MAP6: variants seen among roughly 807,000 people sequenced by gnomAD.
MAP6 encodes the protein microtubule associated protein 6, also known as microtubule-associated protein 6.
In MAP6, 26 loss-of-function variants were observed where a neutral mutation model predicts 42.4. The ratio of observed to expected loss-of-function variants is 0.61; its 90% CI spans 0.45 to 0.85. The LOEUF (loss-of-function observed/expected upper bound fraction) is 0.85. Ranked by LOEUF, MAP6 falls within the 40% of genes least tolerant of loss-of-function variation. The pLI, the probability that MAP6 is intolerant of heterozygous loss-of-function variation, is 0.00. For synonymous variants in MAP6, 418 were observed against 443.8 expected, an observed-to-expected ratio of 0.94 and a Z score of 0.73; for missense variants, 966 against 1,099.0, an observed-to-expected ratio of 0.88 and a Z score of 1.71.
At position 75,587,253 on chromosome 11, in the gene MAP6, C is replaced by T. The variant is rs1942371435; in HGVS notation, c.2248G>A (p.Val750Ile). ...RIVPEPLKNQ[V>I]PIVPVPLKDQ... ...TTCAGAGGCACTGGGACTATAGGAACTTGATTCTTCAGAGGTTCAGGGACT... is the reference window on the plus strand; with the variant it reads ...TTCAGAGGCACTGGGACTATAGGAATTTGATTCTTCAGAGGTTCAGGGACT... The change falls in exon 4 of 4, where the codon GTT becomes ATT. Residue 750 changes from valine (V) to isoleucine (I), a missense_variant. By Grantham distance (29) the Val-to-Ile change is conservative (BLOSUM62 3). Around this residue, in one of 2 missense-constraint regions of MAP6, gnomAD observed 943 missense variants for 1,049.9 expected, o/e 0.90. Transcript: ENST00000304771. The T allele has an allele frequency of 6.2e-7, 1 of 1,614,162 alleles. No individual in the cohort carries two copies. Among genetic ancestry groups the T allele is most frequent in the Non-Finnish European group, 8.5e-7 (1 of 1,180,018 alleles).
intron 1 of MAP6, among the ~76,000 whole-genome samples, chr11:75,654,911 G>A (rs1368310460): frequency 6.6e-6 from 1 of 152,136 alleles, no homozygotes; most frequent in Non-Finnish European, 1.5e-5. Flanking sequence ...CAGGACACAA[G>A]GGCACCTCCC....
chr11:75,639,811 T>G (rs1358164034), intron 1 of MAP6, among the ~76,000 whole-genome samples: 3 of 151,866 alleles, frequency 2.0e-5, no homozygotes, highest in Non-Finnish European at 4.4e-5. Context: ...CACAGAGAGA[T>G]TACTGTTCAG....
chr11:75,617,712 A>G (rs1943024558), intron 1 of MAP6, among the ~76,000 whole-genome samples: 1 of 152,016 alleles, frequency 6.6e-6, no homozygotes, highest in South Asian at 2.1e-4. Context: ...ACACTTACAA[A>G]TATACCTCAA....
chr11:75,628,292 T>C (rs1015688769), intron 1 of MAP6, among the ~76,000 whole-genome samples: 1 of 152,026 alleles, frequency 6.6e-6, no homozygotes, highest in Non-Finnish European at 1.5e-5. Context: ...GGAAGGAGTA[T>C]GGGAGCAGCC....
chr11:75,634,337 C>T (rs556726470), intron 1 of MAP6, among the ~76,000 whole-genome samples: 10 of 152,220 alleles, frequency 6.6e-5, no homozygotes, highest in East Asian at 1.9e-4. Flanking sequence ...AGTGCCAGGG[C>T]GTGATCTTGG....
chr11:75,658,481 C>T (rs1428355584), intron 1 of MAP6, among the ~76,000 whole-genome samples: 2 of 152,050 alleles, frequency 1.3e-5, no homozygotes, highest in East Asian at 1.9e-4. Context: ...TTTCATTTAG[C>T]CACTATAATT....
chr11:75,639,923 C>G (rs566499862), intron 1 of MAP6, among the ~76,000 whole-genome samples: 1 of 152,326 alleles, frequency 6.6e-6, no homozygotes, highest in South Asian at 2.1e-4. Flanking sequence ...CATGCCCCAC[C>G]ATGGCTCTCA....
intron 3 of MAP6, among the ~76,000 whole-genome samples, chr11:75,602,125 C>A (rs1440828205): frequency 6.6e-6 from 1 of 152,116 alleles, no homozygotes; most frequent in East Asian, 1.9e-4. Flanking sequence ...ACAAAGTGGG[C>A]AAACTTGGTC....
At chr11:75,593,574 C>A (rs1206250219) in intron 3 of MAP6, among the ~76,000 whole-genome samples, 1 of 152,158 alleles carries the variant, frequency 6.6e-6, no homozygotes, top group Non-Finnish European at 1.5e-5. Flanking sequence ...TGGTTTTTTT[C>A]TTCCCAGATT....
At position 75,648,807 on chromosome 11, in the gene MAP6, G is replaced by A. The variant is rs990241625; in HGVS notation, c.905+18658C>T. Among the ~76,000 whole-genome samples, 6 of 152,120 alleles carry A rather than the reference G, an allele frequency of 3.9e-5. No individual in the cohort carries two copies. In the East Asian group the frequency reaches 1.2e-3, roughly 29 times the overall value. On this transcript the variant is annotated intron_variant, in intron 1 of 3. Transcript: ENST00000304771. ...ATATGCAATTCACAGAAGAAGAAAT[G>A]CAAATTGTGTATAAACACATGGAAA...
intron 1 of MAP6, among the ~76,000 whole-genome samples, chr11:75,646,698 G>C (rs1943559359): frequency 6.6e-6 from 1 of 151,966 alleles, no homozygotes; most frequent in Non-Finnish European, 1.5e-5. Context: ...TAATCGGGAG[G>C]CTGAGGCAGG....
At chr11:75,598,191 G>A (rs1218613950) in intron 3 of MAP6, among the ~76,000 whole-genome samples, 2 of 152,132 alleles carry the variant, frequency 1.3e-5, no homozygotes, top group Non-Finnish European at 2.9e-5. Flanking sequence ...AAGAGTGATC[G>A]ATATTTGTAT....
Position 75,667,866 on chromosome 11 carries a change from G to A in MAP6, c.504C>T (p.Arg168=), listed in dbSNP as rs1226888659. Residue 168 remains arginine (R), a synonymous_variant, in exon 1 of 4, where the codon CGC becomes CGT. Transcript: ENST00000304771. This position sits in a 1 kb window ranked among gnomAD's most constrained non-coding sequence, Gnocchi z 5.6. ...KDFRAWPLPR[R]GDHPWIPKPV... ...GCTTGGGGATCCACGGGTGGTCCCC[G>A]CGGCGCGGCAGCGGCCAGGCGCGGA... The A allele has an allele frequency of 6.9e-7, 1 of 1,444,412 alleles. No homozygotes were observed. Among genetic ancestry groups the A allele is most frequent in the South Asian group, 1.4e-5 (1 of 71,446 alleles). The allele number at this position is 1,444,412 out of a possible 1,614,324, so 89.5% of individuals were successfully genotyped here.
intron 1 of MAP6, among the ~76,000 whole-genome samples, chr11:75,662,927 C>T (rs944414672): frequency 2.0e-5 from 3 of 151,342 alleles, no homozygotes; most frequent in Non-Finnish European, 4.4e-5. Flanking sequence ...TCCGTTTGAA[C>T]ATTTACTTCT....
At chr11:75,645,333 T>A (rs967445455) in intron 1 of MAP6, among the ~76,000 whole-genome samples, 2 of 151,802 alleles carry the variant, frequency 1.3e-5, no homozygotes, top group Non-Finnish European at 2.9e-5. Context: ...CCCTTTCTGT[T>A]TAGGGTTCTG....
rs188773659 is a variant in MAP6, at chr11:75,621,515, C to T, written c.906-13193G>A. On this transcript the variant is annotated intron_variant, in intron 1 of 3. Coordinates refer to ENST00000304771, the MANE Select transcript of MAP6 (RefSeq NM_033063.2). ...AACACTTCTATTCAACATTCTGTGA[C>T]AGTCATAGTCAGTATAATAAAACAA... Among the ~76,000 whole-genome samples, 245 of 152,190 alleles carry T rather than the reference C, an allele frequency of 1.6e-3. 1 individual carries two copies. The highest frequency in any genetic ancestry group is 5.7e-3 in the African/African-American group (235 of 41,504).
At chr11:75,623,067 T>C (rs1483913010) in intron 1 of MAP6, among the ~76,000 whole-genome samples, 2 of 152,180 alleles carry the variant, frequency 1.3e-5, no homozygotes, top group African/African-American at 2.4e-5. Flanking sequence ...ATATGGTCAA[T>C]TTATTTTTGA....
intron 1 of MAP6, among the ~76,000 whole-genome samples, chr11:75,611,705 T>G (rs1249649779): frequency 1.3e-5 from 2 of 152,244 alleles, no homozygotes; most frequent in Non-Finnish European, 2.9e-5. Flanking sequence ...ACAACTAATA[T>G]TACGTCATAG....
intron 1 of MAP6, among the ~76,000 whole-genome samples, chr11:75,644,051 T>C (rs572455701): frequency 6.6e-6 from 1 of 152,324 alleles, no homozygotes; most frequent in East Asian, 1.9e-4. Context: ...TTTTTTGAGG[T>C]CTTTCTCAAG....
Sources: allele counts gnomAD v4.1 joint callset (sites outside exome capture counted in the v4.1 genomes callset), GRCh38; gene constraint gnomAD v4.1.1; regional missense constraint gnomAD v4.1.1; non-coding constraint Gnocchi (gnomAD v3.1); transcripts MANE v1.5; gene names NCBI Gene and HGNC (gene_info 2026-07-23, HGNC 2026-07-21).